The following USP48 variants were observed in gnomAD, a reference collection of about 807,000 sequenced individuals.
USP48 encodes the protein ubiquitin specific peptidase 48.
A neutral mutation model predicts 150.7 loss-of-function variants in USP48; 43 were observed. That is an observed-to-expected ratio of 0.29 (90% confidence interval 0.22 to 0.37). USP48 has a LOEUF of 0.37. Ranked by LOEUF, USP48 falls within the 10% of genes least tolerant of loss-of-function variation. USP48 has a pLI of 1.00. For synonymous variants in USP48, 396 were observed against 425.9 expected (o/e 0.93, Z 0.86); for missense variants, 813 against 1,249.6 (o/e 0.65, Z 5.27).
intron 23 of USP48, among the ~76,000 whole-genome samples, chr1:21,690,509 CTTTT>C (rs1359452170): frequency 6.6e-6 from 1 of 151,366 alleles, no homozygotes; most frequent in Admixed American, 6.6e-5. Context: ...CAAATTCTTT[CTTTT>C]TTCTTTTTCT....
rs555922788 is a variant in USP48, at chr1:21,685,329, C to CTT, written c.3058+1860_3058+1861dup. On this transcript the variant is annotated intron_variant, in intron 25 of 26. Transcript: ENST00000308271. ...ATTATTATTGGAATTGCTTTCTTTT[C>CTT]TTTTTTTTTTTTTTGAGATGGAGTC... 1.6e-4 allele frequency among the ~76,000 whole-genome samples: 22 copies of CTT among 136,380 alleles called. No individual in the cohort carries two copies. In the East Asian group the frequency reaches 2.1e-3, roughly 13 times the overall value. The allele number at this position is 136,380 out of a possible 152,430, so 89.5% of individuals were successfully genotyped here.
chr1:21,778,752 A>ATT (rs751636416), intron 1 of USP48, among the ~76,000 whole-genome samples: 20 of 144,590 alleles, frequency 1.4e-4, no homozygotes, highest in Admixed American at 4.9e-4. Context: ...ATTTCCACAA[A>ATT]TTTTTTTTTT....
At chr1:21,700,103 G>GTA (rs2097651015) in intron 22 of USP48, among the ~76,000 whole-genome samples, 1 of 151,434 alleles carries the variant, frequency 6.6e-6, no homozygotes, top group African/African-American at 2.4e-5. Context: ...AGCACAAGAT[G>GTA]TATATATGCA....
intron 22 of USP48, among the ~76,000 whole-genome samples, chr1:21,698,816 A>G (rs542936758): frequency 1.5e-3 from 232 of 151,854 alleles, no homozygotes; most frequent in African/African-American, 5.5e-3. Flanking sequence ...AATGGCTTGA[A>G]CCTCGGAGGC....
intron 23 of USP48, among the ~76,000 whole-genome samples, chr1:21,693,576 G>T (rs2097610623): frequency 6.6e-6 from 1 of 152,142 alleles, no homozygotes; most frequent in Admixed American, 6.6e-5. Flanking sequence ...CAGATGGAAG[G>T]GTTATTTCTG....
chr1:21,680,702 A>G, intron 26 of USP48, 106 bp downstream of exon 26: 1 of 1,086,900 alleles, frequency 9.2e-7, no homozygotes, highest in Non-Finnish European at 1.3e-6. Context: ...CAGTCATGAG[A>G]CTCAGATTGG....
At chr1:21,745,040 T>G (rs993273710) in intron 8 of USP48, among the ~76,000 whole-genome samples, 1 of 152,172 alleles carries the variant, frequency 6.6e-6, no homozygotes, top group Non-Finnish European at 1.5e-5. Context: ...CGGGAAAATA[T>G]AAATACTAAT....
chr1:21,690,906 T>G (rs1358872224), intron 23 of USP48, among the ~76,000 whole-genome samples: 1 of 152,168 alleles, frequency 6.6e-6, no homozygotes, highest in Non-Finnish European at 1.5e-5. Flanking sequence ...GGGTATGTAA[T>G]TCAGCCTTTG....
intron 1 of USP48, among the ~76,000 whole-genome samples, chr1:21,772,450 C>T (rs1023874378): frequency 9.2e-5 from 14 of 151,840 alleles, no homozygotes; most frequent in African/African-American, 2.4e-4. Context: ...AGTGAAACCC[C>T]GTCTCTACAA....
chr1:21,707,665 G>A (rs1335397384), intron 15 of USP48, among the ~76,000 whole-genome samples: 1 of 152,002 alleles, frequency 6.6e-6, no homozygotes, highest in Non-Finnish European at 1.5e-5. Flanking sequence ...TACCCATATC[G>A]GTCATTACCC....
Position 21,756,573 on chromosome 1 carries a change from G to T in USP48, c.385C>A (p.Leu129Met). Residue 129 changes from leucine (L) to methionine (M), a missense_variant, in exon 3 of 27, where the codon CTG becomes ATG. Transcript: ENST00000308271. ...LCPSTCSDYM[L>M]GDGIQEEKDY... is the part of the protein sequence containing the mutation. Reference sequence around the variant, plus strand: ...TTTTCTTCTTGGATGCCGTCTCCCAGCATGTAGTCACTACAAGTGCTTGGA... The same window carrying T: ...TTTTCTTCTTGGATGCCGTCTCCCATCATGTAGTCACTACAAGTGCTTGGA... 2.5e-6 allele frequency: 4 copies of T among 1,589,018 alleles called. No individual in the cohort carries two copies. Among genetic ancestry groups the T allele is most frequent in the Non-Finnish European group, 2.6e-6 (3 of 1,172,132 alleles).
chr1:21,694,591 AAAAAAAAAAAAAAAAACC>A (rs2097617907), intron 23 of USP48, among the ~76,000 whole-genome samples: 1 of 139,976 alleles, frequency 7.1e-6, no homozygotes, highest in African/African-American at 2.6e-5. Flanking sequence ...AAAAAAAAAA[AAAAAAAAAAAAAAAAACC>A]CCCTCTATCT....
At chr1:21,708,884 CA>C (rs1181628764) in intron 15 of USP48, among the ~76,000 whole-genome samples, 2 of 16,610 alleles carry the variant, frequency 1.2e-4, no homozygotes, top group Admixed American at 1.5e-3. Context: ...GACTCCGTCT[CA>C]AAAAAAAAAA....
intron 8 of USP48, among the ~76,000 whole-genome samples, chr1:21,744,093 A>G (rs1262531733): frequency 6.6e-6 from 1 of 152,202 alleles, no homozygotes; most frequent in African/African-American, 2.4e-5. Context: ...AAATGTTGAC[A>G]TTACCATTCT....
intron 1 of USP48, among the ~76,000 whole-genome samples, chr1:21,776,623 A>G (rs1298669995): frequency 2.0e-5 from 3 of 148,730 alleles, no homozygotes; most frequent in Non-Finnish European, 3.0e-5. Flanking sequence ...AAAAAAGAAG[A>G]AAGTGAGTAG....
In USP48 at chr1:21,754,995, G is replaced by A. The variant is rs147721483; in HGVS notation, c.412+1551C>T. ...CGTTGGATGTTCTCTTTCAGCCCCA[G>A]GGATACAGGTTGTTCCCTGTATCTG... is the stretch of plus-strand genomic sequence containing the variant. On this transcript the variant is annotated intron_variant, in intron 3 of 26. Transcript: ENST00000308271. 6.9e-3 allele frequency among the ~76,000 whole-genome samples: 1,046 copies of A among 152,274 alleles called. 4 individuals carry two copies. The highest frequency in any genetic ancestry group is 9.4e-3 in the Non-Finnish European group (642 of 68,014).
chr1:21,705,435 A>G lies in USP48; in HGVS notation c.2384+292T>C, dbSNP rs545362800. ...ACCATGTTGATTCTGTGATTCTGGA[A>G]AAGAGGTCTCAGCACTGGTCACCAG... On this transcript the variant is annotated intron_variant, in intron 19 of 26. Transcript: ENST00000308271. Among the ~76,000 whole-genome samples, 4 of 152,318 alleles carry G rather than the reference A, an allele frequency of 2.6e-5. No individual in the cohort carries two copies. In the East Asian group the frequency reaches 5.8e-4, roughly 22 times the overall value.
At chr1:21,777,113 G>GA (rs777155673) in intron 1 of USP48, among the ~76,000 whole-genome samples, 3,410 of 142,866 alleles carry the variant, frequency 0.024, 68 homozygotes, top group African/African-American at 0.058. Flanking sequence ...GACTCCATCT[G>GA]AAAAAAAAAA....
chr1:21,698,936 C>A (rs2097646125), intron 22 of USP48, among the ~76,000 whole-genome samples: 1 of 152,010 alleles, frequency 6.6e-6, no homozygotes, highest in African/African-American at 2.4e-5. Context: ...TTAAGCCATA[C>A]TACCAAGTGA....
Sources: gnomAD v4.1 joint callset for allele counts (sites outside exome capture counted in the v4.1 genomes callset) on GRCh38, gnomAD v4.1.1 for gene constraint, MANE v1.5 for transcripts, NCBI Gene and HGNC (gene_info 2026-07-23, HGNC 2026-07-21) for gene names.